ADAMTS17: variants seen among roughly 807,000 people sequenced by gnomAD.
The protein encoded by ADAMTS17 is A disintegrin and metalloproteinase with thrombospondin motifs 17.
A neutral mutation model predicts 141.5 loss-of-function variants in ADAMTS17; 113 were observed. The ratio of observed to expected loss-of-function variants is 0.80; its 90% CI spans 0.69 to 0.93. The LOEUF (loss-of-function observed/expected upper bound fraction) is 0.93. Ranked by LOEUF, ADAMTS17 falls within the 40% of genes least tolerant of loss-of-function variation. The pLI, the probability that ADAMTS17 is intolerant of heterozygous loss-of-function variation, is 0.00. For missense variants in ADAMTS17, 1,659 were observed against 1,517.9 expected, an observed-to-expected ratio of 1.09 and a Z score of -1.54; for synonymous variants, 768 against 630.6, an observed-to-expected ratio of 1.22 and a Z score of -3.27.
chr15:100,108,199 T>C (rs1415258228), intron 14 of ADAMTS17, among the ~76,000 whole-genome samples: 1 of 149,384 alleles, frequency 6.7e-6, no homozygotes, highest in Non-Finnish European at 1.5e-5. Flanking sequence ...CGAGACGGAG[T>C]CTTGCTTTGT....
intron 12 of ADAMTS17, among the ~76,000 whole-genome samples, chr15:100,117,614 C>G (rs549362294): frequency 6.6e-6 from 1 of 152,290 alleles, no homozygotes; most frequent in African/African-American, 2.4e-5. Context: ...CCTAGATGCT[C>G]TGTGCTGAGG....
At chr15:100,254,244 T>A in intron 6 of ADAMTS17, 65 bp from the exon 7 acceptor site, 1 of 1,444,838 alleles carries the variant, frequency 6.9e-7, no homozygotes, top group Non-Finnish European at 9.7e-7. Flanking sequence ...AAGAAAACAC[T>A]GTGAATTAAC....
rs2060257624 is a variant in ADAMTS17 at position 99,973,662 on chromosome 15, T to C, written c.*740A>G. ...GAGGCCCTTCTGTTTCCCTACACGGTGGACAGCAGAGCTCTGAAAATTAGA... is the reference window on the plus strand; with the variant it reads ...GAGGCCCTTCTGTTTCCCTACACGGCGGACAGCAGAGCTCTGAAAATTAGA... On this transcript the variant is annotated 3_prime_UTR_variant, in exon 22 of 22. Coordinates refer to ENST00000268070, the MANE Select transcript of ADAMTS17 (RefSeq NM_139057.4). 1 of 153,512 alleles carries C rather than the reference T, an allele frequency of 6.5e-6. No homozygotes were observed. Among genetic ancestry groups the C allele is most frequent in the Non-Finnish European group, 1.4e-5 (1 of 69,024 alleles). 9.5% of individuals were successfully genotyped at this position (153,512 alleles called of 1,614,324 possible).
chr15:100,171,758 G>C, intron 8 of ADAMTS17, among the ~76,000 whole-genome samples: 1 of 152,182 alleles, frequency 6.6e-6, no homozygotes, highest in East Asian at 1.9e-4. Context: ...GCCTGGCTCA[G>C]TGCTCACCAC....
At position 100,243,982 on chromosome 15, in the gene ADAMTS17, G is replaced by A. The variant is rs78652832; in HGVS notation, c.1075+10154C>T. Among the ~76,000 whole-genome samples the A allele has an allele frequency of 9.7e-3, 1,469 of 152,092 alleles. 23 individuals are homozygous for A. The highest frequency in any genetic ancestry group is 0.03 in the African/African-American group (1,232 of 41,494). ...AAGTGTATCAGTCTATTCTCACACT[G>A]CTAATAAAGACATACCAGAGTCTGG... is the stretch of plus-strand genomic sequence containing the variant. On this transcript the variant is annotated intron_variant, in intron 7 of 21. Transcript: ENST00000268070.
intron 2 of ADAMTS17, among the ~76,000 whole-genome samples, chr15:100,331,379 AT>A (rs1301447818): frequency 6.6e-6 from 1 of 152,216 alleles, no homozygotes; most frequent in Non-Finnish European, 1.5e-5. Context: ...TACTTCAAAA[AT>A]CATCCCCCCA....
In ADAMTS17 at chr15:100,093,616, C is replaced by A. The variant is rs528779174; in HGVS notation, c.2137+2740G>T. ...CCCTTCAGCCTGAAGTGTCCTCCCC[C>A]TACCCCCACTATCAGCTGATTTCTA... On this transcript the variant is annotated intron_variant, in intron 15 of 21. Coordinates refer to ENST00000268070, the MANE Select transcript of ADAMTS17 (RefSeq NM_139057.4). Among the ~76,000 whole-genome samples the A allele has an allele frequency of 3.9e-5, 6 of 152,186 alleles. No individual in the cohort carries two copies. In the East Asian group the frequency reaches 1.2e-3, roughly 30 times the overall value.
At chr15:100,049,668 G>A (rs1278806178) in intron 17 of ADAMTS17, among the ~76,000 whole-genome samples, 2 of 152,224 alleles carry the variant, frequency 1.3e-5, no homozygotes, top group African/African-American at 2.4e-5. Context: ...ATACTGCACG[G>A]CCATGCCTTT....
chr15:100,201,462 A>G (rs2041330790), intron 7 of ADAMTS17, among the ~76,000 whole-genome samples: 1 of 152,194 alleles, frequency 6.6e-6, no homozygotes. Flanking sequence ...TTTCCTTTAT[A>G]AACTACCCAG....
intron 7 of ADAMTS17, among the ~76,000 whole-genome samples, chr15:100,253,688 G>A (rs143102382): frequency 1.3e-5 from 2 of 152,166 alleles, no homozygotes; most frequent in Non-Finnish European, 2.9e-5. Context: ...GAGATTGCAT[G>A]TCTTATAATC....
In ADAMTS17 at chr15:99,997,319, A is replaced by T. The variant is rs2060821217; in HGVS notation, c.2796+66T>A. On this transcript the variant is annotated intron_variant, in intron 19 of 21. Coordinates refer to ENST00000268070, the MANE Select transcript of ADAMTS17 (RefSeq NM_139057.4). The surrounding 1 kb of genome is among the most constrained non-coding windows in gnomAD (Gnocchi z 4.7). The stretch of plus-strand genomic sequence containing the variant: ...GAGGGCTGGGAGGCACCAGAATGTC[A>T]CCAATACCATGGCACCGTGTTGGAG... 1 of 1,580,468 alleles carries T rather than the reference A, an allele frequency of 6.3e-7. No individual in the cohort carries two copies. Among genetic ancestry groups the T allele is most frequent in the African/African-American group, 1.3e-5 (1 of 74,278 alleles).
intron 6 of ADAMTS17, among the ~76,000 whole-genome samples, chr15:100,256,031 C>A (rs2043315331): frequency 6.6e-6 from 1 of 152,220 alleles, no homozygotes; most frequent in African/African-American, 2.4e-5. Context: ...TGTTCAAGGT[C>A]CTTTCTCAGA....
Position 99,973,401 on chromosome 15 carries a change from G to A in ADAMTS17, c.*1001C>T, listed in dbSNP as rs1301185257. 6.6e-6 allele frequency: 1 copy of A among 152,004 alleles called. No homozygotes were observed. Among genetic ancestry groups the A allele is most frequent in the Non-Finnish European group, 1.5e-5 (1 of 68,058 alleles). The allele number at this position is 152,004 out of a possible 1,614,324, so 9.4% of individuals were successfully genotyped here. A position where few individuals can be genotyped will look rare whatever the true frequency, so the allele number is the denominator to read the frequency against. ...CTAGGCCTGGGCTTGTGTCCTCAGA[G>A]GTCCCAAATGTCGTCTTACCTTCAG... On this transcript the variant is annotated 3_prime_UTR_variant, in exon 22 of 22. Transcript: ENST00000268070.
intron 7 of ADAMTS17, among the ~76,000 whole-genome samples, chr15:100,238,673 TG>T (rs1398681938): frequency 6.6e-6 from 1 of 152,246 alleles, no homozygotes; most frequent in Non-Finnish European, 1.5e-5. Context: ...TGAGATAGTT[TG>T]ATCCCAGCTC....
chr15:100,120,250 T>C (rs1278724116), intron 12 of ADAMTS17, among the ~76,000 whole-genome samples: 1 of 152,186 alleles, frequency 6.6e-6, no homozygotes, highest in African/African-American at 2.4e-5. Context: ...GGCTTGCAGC[T>C]TCCAGGGGAA....
chr15:100,115,323 G>A (rs985632533), intron 13 of ADAMTS17, among the ~76,000 whole-genome samples: 1 of 152,236 alleles, frequency 6.6e-6, no homozygotes, highest in Non-Finnish European at 1.5e-5. Flanking sequence ...CCTTCTAGGA[G>A]GGCAGGTCTC....
At chr15:100,037,661 G>A (rs755827753) in intron 18 of ADAMTS17, among the ~76,000 whole-genome samples, 27 of 151,260 alleles carry the variant, frequency 1.8e-4, no homozygotes, top group Non-Finnish European at 3.1e-4. Context: ...CGTCTGCCTC[G>A]GCCTCCCAAA....
At position 99,974,269 on chromosome 15, in the gene ADAMTS17, G is replaced by A. The variant is rs2060271926; in HGVS notation, c.*133C>T. On this transcript the variant is annotated 3_prime_UTR_variant, in exon 22 of 22. Coordinates refer to ENST00000268070, the MANE Select transcript of ADAMTS17 (RefSeq NM_139057.4). ...CGGAAGCACTAATGGCAAACGCCAAGTCCACGCTCATGTTCTATGTAGTTG... is the reference window on the plus strand; with the variant it reads ...CGGAAGCACTAATGGCAAACGCCAAATCCACGCTCATGTTCTATGTAGTTG... The A allele has an allele frequency of 5.8e-6, 7 of 1,197,466 alleles. No individual in the cohort carries two copies. The highest frequency in any genetic ancestry group is 8.5e-6 in the Non-Finnish European group (7 of 821,348). 74.2% of individuals were successfully genotyped at this position (1,197,466 alleles called of 1,614,324 possible). A position where few individuals can be genotyped will look rare whatever the true frequency, so the allele number is the denominator to read the frequency against.
rs776694086 is a variant in ADAMTS17 at position 100,132,013 on chromosome 15, T to C, written c.1715A>G (p.Asn572Ser). 6 of 1,611,320 alleles carry C rather than the reference T, an allele frequency of 3.7e-6. No individual in the cohort carries two copies. The highest frequency in any genetic ancestry group is 1.7e-4 in the Middle Eastern group (1 of 6,058). ...GARFRQRKCDNPPPGPGGTHC... is the reference protein window; with the variant it reads ...GARFRQRKCDSPPPGPGGTHC... ...GGCTGGTCAGGGGACTTACGGGGGG[T>C]TGTCACATTTCCTCTGCCTGAAGCG... Residue 572 changes from asparagine to serine, a missense_variant, in exon 12 of 22, where the codon AAC becomes AGC. Asn to Ser is a conservative substitution (Grantham distance 46). Transcript: ENST00000268070.
Sources: gnomAD v4.1 joint callset for allele counts (sites outside exome capture counted in the v4.1 genomes callset) on GRCh38, gnomAD v4.1.1 for gene constraint, Gnocchi (gnomAD v3.1) non-coding constraint, MANE v1.5 for transcripts, NCBI Gene and HGNC (gene_info 2026-07-23, HGNC 2026-07-21) for gene names.